The following BLK variants were observed in gnomAD, a reference collection of about 807,000 sequenced individuals.
The protein encoded by BLK is tyrosine-protein kinase Blk.
BLK carries 64 observed loss-of-function variants against 61.8 expected under a neutral mutation model. The ratio of observed to expected loss-of-function variants is 1.03; its 90% confidence interval spans 0.85 to 1.27. The LOEUF (loss-of-function observed/expected upper bound fraction) is 1.27, where lower values mean the gene tolerates loss of function less well. Among genes scored for constraint, BLK ranks in the 50% most tolerant of loss-of-function variants. The pLI is 0.00. For synonymous variants in BLK, 351 were observed against 272.0 expected, an observed-to-expected ratio of 1.29 and a Z score of -2.86; for missense variants, 853 against 660.5, an observed-to-expected ratio of 1.29 and a Z score of -3.19.
intron 2 of BLK, among the ~76,000 whole-genome samples, chr8:11,543,963 GC>G (rs1800506165): frequency 7.7e-6 from 1 of 129,844 alleles, no homozygotes; most frequent in Non-Finnish European, 1.6e-5. Flanking sequence ...GTCTGAAGAT[GC>G]ATTTTTTTTT....
At chr8:11,544,511 A>G (rs997636125) in intron 2 of BLK, among the ~76,000 whole-genome samples, 14 of 152,140 alleles carry the variant, frequency 9.2e-5, no homozygotes, top group African/African-American at 3.1e-4. Flanking sequence ...TCAGCGCACA[A>G]CCACAAGATG....
intron 1 of BLK, among the ~76,000 whole-genome samples, chr8:11,526,800 CTT>C (rs1030430955): frequency 6.6e-6 from 1 of 151,948 alleles, no homozygotes; most frequent in Non-Finnish European, 1.5e-5. Flanking sequence ...GTACTCAAAA[CTT>C]TTTCAGTTGA....
At chr8:11,553,492 A>C (rs915872673) in intron 6 of BLK, 2 of 379,194 alleles carry the variant, frequency 5.3e-6, no homozygotes, top group Middle Eastern at 4.5e-4. Flanking sequence ...CAGGCAAGTG[A>C]GGGGTCTAAA....
At chr8:11,540,398 TA>T (rs1800323198) in intron 1 of BLK, among the ~76,000 whole-genome samples, 1 of 152,216 alleles carries the variant, frequency 6.6e-6, no homozygotes, top group African/African-American at 2.4e-5. Flanking sequence ...TGTCTACTTT[TA>T]TTATTCCAAT....
chr8:11,528,156 C>T (rs1309843353), intron 1 of BLK, among the ~76,000 whole-genome samples: 1 of 152,138 alleles, frequency 6.6e-6, no homozygotes, highest in East Asian at 1.9e-4. Context: ...CCCACCTCAG[C>T]CTCCCAAGTC....
rs1333279161 is a variant in BLK, at chr8:11,564,074, C to T, written c.1484C>T (p.Thr495Met). The T allele has an allele frequency of 2.5e-6, 4 of 1,594,110 alleles. No individual in the cohort carries two copies. Among genetic ancestry groups the T allele is most frequent in the East Asian group, 2.3e-5 (1 of 44,256 alleles). The change falls in exon 13 of 13, where the codon ACG becomes ATG. Residue 495 changes from threonine to methionine, a missense_variant. By Grantham distance (81) the Thr-to-Met change is moderately conservative. Transcript: ENST00000259089. ...CAGTCGGTGCTGGAGGACTTCTACA[C>T]GGCCACCGAGCGGCAGTACGAGCTG... Reference protein sequence around the residue: ...FLQSVLEDFYTATERQYELQP With the variant: ...FLQSVLEDFYMATERQYELQP
intron 8 of BLK, chr8:11,555,885 C>T (rs189637212): frequency 8.9e-6 from 3 of 336,894 alleles, no homozygotes; most frequent in South Asian, 2.5e-5. Context: ...CGAGGGCAGC[C>T]GTGGGACTTT....
At chr8:11,511,020 A>C (rs1798982754) in intron 1 of BLK, among the ~76,000 whole-genome samples, 1 of 152,196 alleles carries the variant, frequency 6.6e-6, no homozygotes, top group Admixed American at 6.5e-5. Context: ...TCAGACTGAC[A>C]CACAAATATT....
intron 1 of BLK, among the ~76,000 whole-genome samples, chr8:11,521,087 G>C (rs931377487): frequency 6.6e-6 from 1 of 152,086 alleles, no homozygotes; most frequent in Non-Finnish European, 1.5e-5. Flanking sequence ...TTCTATGCAG[G>C]AAAAGACAGA....
chr8:11,519,262 AC>A (rs1430352191), intron 1 of BLK, among the ~76,000 whole-genome samples: 7 of 152,194 alleles, frequency 4.6e-5, no homozygotes, highest in African/African-American at 1.7e-4. Context: ...GGACCTCGCT[AC>A]CTTCATGTGG....
At chr8:11,562,953 C>G (rs755100143) in intron 11 of BLK, 26 bp from the exon 12 acceptor site, 30 of 1,613,748 alleles carry the variant, frequency 1.9e-5, no homozygotes, top group Non-Finnish European at 2.5e-5. Flanking sequence ...CGTGGCCTCC[C>G]AAAGCTTGCA....
At chr8:11,533,849 A>G (rs1273044039) in intron 1 of BLK, among the ~76,000 whole-genome samples, 1 of 152,242 alleles carries the variant, frequency 6.6e-6, no homozygotes, top group Non-Finnish European at 1.5e-5. Context: ...GTTTGTATGG[A>G]GGACAGAAAT....
chr8:11,528,107 G>C (rs933214391), intron 1 of BLK, among the ~76,000 whole-genome samples: 8 of 152,158 alleles, frequency 5.3e-5, no homozygotes. Context: ...CGTGATCTCA[G>C]CTCACTGCAA....
intron 1 of BLK, among the ~76,000 whole-genome samples, chr8:11,499,100 A>G (rs921755540): frequency 1.3e-5 from 2 of 152,250 alleles, no homozygotes; most frequent in African/African-American, 2.4e-5. Context: ...ATTTCGGTCA[A>G]TCACAGACTA....
At chr8:11,558,125 T>C in intron 10 of BLK, 87 bp downstream of exon 10, 1 of 1,358,266 alleles carries the variant, frequency 7.4e-7, no homozygotes, top group Non-Finnish European at 1.0e-6. Context: ...CCCCATCCTC[T>C]CAGCCAGCAG....
At chr8:11,525,728 G>A (rs946763799) in intron 1 of BLK, among the ~76,000 whole-genome samples, 1 of 152,166 alleles carries the variant, frequency 6.6e-6, no homozygotes, top group African/African-American at 2.4e-5. Context: ...AGCAAGGAAT[G>A]GAGCAGCTTT....
chr8:11,524,584 G>A (rs142885661), intron 1 of BLK, among the ~76,000 whole-genome samples: 8 of 152,290 alleles, frequency 5.3e-5, no homozygotes, highest in African/African-American at 1.7e-4. Context: ...ACTTAGAAAG[G>A]TTATGTATGC....
chr8:11,563,814 G>C, intron 12 of BLK, 89 bp from the exon 13 acceptor site: 1 of 1,309,358 alleles, frequency 7.6e-7, no homozygotes, highest in Non-Finnish European at 1.1e-6. Context: ...CCCTTGCCTG[G>C]GCCCACTGTG....
chr8:11,500,333 A>G (rs190587928), intron 1 of BLK, among the ~76,000 whole-genome samples: 20 of 152,098 alleles, frequency 1.3e-4, no homozygotes, highest in Admixed American at 1.2e-3. Flanking sequence ...AGCTAGGACT[A>G]CAGGTGTGCA....
Sources: allele counts gnomAD v4.1 joint callset (sites outside exome capture counted in the v4.1 genomes callset), GRCh38; gene constraint gnomAD v4.1.1; transcripts MANE v1.5; gene names NCBI Gene and HGNC (gene_info 2026-07-23, HGNC 2026-07-21).